ATRNL1: variants seen among roughly 807,000 people sequenced by gnomAD.
ATRNL1 encodes attractin like 1.
In ATRNL1, 95 loss-of-function variants were observed where a neutral mutation model predicts 182.7. That is an observed-to-expected ratio of 0.52 (90% CI 0.44 to 0.62). The LOEUF is 0.62. Among genes scored for constraint, ATRNL1 ranks in the 20% least tolerant of loss-of-function variants. ATRNL1 has a pLI of 0.00. For missense variants in ATRNL1, 1,471 were observed against 1,679.5 expected (o/e 0.88, Z 2.17); for synonymous variants, 576 against 568.3 (o/e 1.01, Z -0.19).
In ATRNL1 at chr10:115,462,479, G is replaced by A. The variant is rs575016792; in HGVS notation, c.3417+444G>A. ...ATACAAAAATTAGCTAGGCATGATG[G>A]TGCGCGCCTATAGTCCCAGCTACTG... On this transcript the variant is annotated intron_variant, in intron 22 of 28. Coordinates refer to ENST00000355044, the MANE Select transcript of ATRNL1 (RefSeq NM_207303.4). Among the ~76,000 whole-genome samples, 6 of 152,106 alleles carry A rather than the reference G, an allele frequency of 3.9e-5. No homozygotes were observed. In the East Asian group the frequency reaches 5.8e-4, roughly 15 times the overall value.
chr10:115,174,274 G>T (rs1554886321), intron 8 of ATRNL1, among the ~76,000 whole-genome samples: 2 of 151,356 alleles, frequency 1.3e-5, no homozygotes, highest in African/African-American at 4.9e-5. Context: ...CTTTCCCCAT[G>T]TTTTCCTTTT....
intron 27 of ATRNL1, among the ~76,000 whole-genome samples, chr10:115,804,813 A>T (rs1949881889): frequency 6.6e-6 from 1 of 152,138 alleles, no homozygotes; most frequent in African/African-American, 2.4e-5. Context: ...CAGGGGAGTT[A>T]ATTGGAACTA....
At chr10:115,134,049 G>A (rs1336272767) in intron 5 of ATRNL1, among the ~76,000 whole-genome samples, 2 of 152,074 alleles carry the variant, frequency 1.3e-5, no homozygotes, top group Non-Finnish European at 2.9e-5. Flanking sequence ...TTGTGTAGAG[G>A]GAAATTTATA....
At chr10:115,619,912 G>A (rs549158118) in intron 26 of ATRNL1, among the ~76,000 whole-genome samples, 1 of 152,268 alleles carries the variant, frequency 6.6e-6, no homozygotes, top group South Asian at 2.1e-4. Flanking sequence ...TATCACCCAA[G>A]TATGAATCTT....
At chr10:115,105,580 G>A (rs1338938137) in intron 1 of ATRNL1, among the ~76,000 whole-genome samples, 1 of 152,224 alleles carries the variant, frequency 6.6e-6, no homozygotes, top group African/African-American at 2.4e-5. Flanking sequence ...GGAGGCATAG[G>A]AGGAAAAAAT....
intron 27 of ATRNL1, among the ~76,000 whole-genome samples, chr10:115,845,662 A>G (rs928716404): frequency 4.0e-5 from 6 of 151,116 alleles, no homozygotes; most frequent in Non-Finnish European, 5.9e-5. Flanking sequence ...ACTTTTTTGT[A>G]TAAACATACA....
At chr10:115,535,835 C>A (rs1592809151) in intron 25 of ATRNL1, among the ~76,000 whole-genome samples, 2 of 152,038 alleles carry the variant, frequency 1.3e-5, no homozygotes, top group Non-Finnish European at 2.9e-5. Flanking sequence ...CAGATAGGAC[C>A]GTCAGCTGCA....
intron 24 of ATRNL1, among the ~76,000 whole-genome samples, chr10:115,504,751 CCTTTT>C (rs1295260198): frequency 1.3e-4 from 20 of 151,946 alleles, no homozygotes; most frequent in Non-Finnish European, 1.8e-4. Flanking sequence ...ATTTGACTAG[CCTTTT>C]CTTTTTTCAT....
At chr10:115,915,544 A>G (rs1952824978) in intron 28 of ATRNL1, among the ~76,000 whole-genome samples, 1 of 152,214 alleles carries the variant, frequency 6.6e-6, no homozygotes, top group Admixed American at 6.5e-5. Flanking sequence ...GTATATATAA[A>G]TATATGTATT....
chr10:115,603,937 C>G (rs1555016783), intron 26 of ATRNL1, among the ~76,000 whole-genome samples: 1 of 151,946 alleles, frequency 6.6e-6, no homozygotes, highest in Admixed American at 6.6e-5. Flanking sequence ...CTAGGTGGAC[C>G]TCTTGGAGGC....
intron 10 of ATRNL1, among the ~76,000 whole-genome samples, chr10:115,248,302 C>T (rs1002026667): frequency 6.6e-6 from 1 of 151,896 alleles, no homozygotes; most frequent in Admixed American, 6.6e-5. Context: ...ACAATTATTT[C>T]TCAGTAAAAA....
In ATRNL1 at chr10:115,540,155, A is replaced by G. The variant is rs979263794; in HGVS notation, c.3717-9303A>G. Among the ~76,000 whole-genome samples the G allele has an allele frequency of 2.0e-5, 3 of 151,698 alleles. No individual in the cohort carries two copies. In the South Asian group the frequency reaches 6.3e-4, roughly 32 times the overall value. On this transcript the variant is annotated intron_variant, in intron 25 of 28. Coordinates refer to ENST00000355044, the MANE Select transcript of ATRNL1 (RefSeq NM_207303.4). The stretch of plus-strand genomic sequence containing the variant: ...ATAATAAATAAATAAATAAATAAAT[A>G]TATAGTGCTTTATAAACTTCTGGGA...
intron 8 of ATRNL1, among the ~76,000 whole-genome samples, chr10:115,206,495 T>A (rs1020935051): frequency 1.3e-5 from 2 of 152,142 alleles, no homozygotes; most frequent in South Asian, 2.1e-4. Context: ...CCTGATTTTT[T>A]AAATTGTTTC....
At chr10:115,334,877 C>T (rs952649467) in intron 19 of ATRNL1, among the ~76,000 whole-genome samples, 2 of 152,074 alleles carry the variant, frequency 1.3e-5, no homozygotes, top group Non-Finnish European at 2.9e-5. Context: ...CAAATCTGGG[C>T]TGAAATCCCA....
intron 8 of ATRNL1, among the ~76,000 whole-genome samples, chr10:115,206,326 G>A (rs11197117): frequency 5.3e-5 from 8 of 151,834 alleles, no homozygotes; most frequent in Non-Finnish European, 1.2e-4. Flanking sequence ...ATTTGCTCAG[G>A]TTCCTGAATC....
chr10:115,756,941 T>C (rs1273269213), intron 27 of ATRNL1, among the ~76,000 whole-genome samples: 4 of 152,200 alleles, frequency 2.6e-5, no homozygotes, highest in Non-Finnish European at 5.9e-5. Context: ...TTCATCTTTG[T>C]TGGTTTAACA....
intron 9 of ATRNL1, among the ~76,000 whole-genome samples, chr10:115,222,124 T>A (rs1849492043): frequency 6.6e-6 from 1 of 151,962 alleles, no homozygotes; most frequent in South Asian, 2.1e-4. Context: ...TACTCATACT[T>A]ATGAATCAAA....
intron 18 of ATRNL1, among the ~76,000 whole-genome samples, chr10:115,330,955 T>C (rs191138584): frequency 5.7e-4 from 87 of 152,322 alleles, no homozygotes; most frequent in African/African-American, 1.9e-3. Context: ...CCTCTGTGTT[T>C]TTCTCATTGC....
rs1318902592 is a variant in ATRNL1, at chr10:115,302,973, T to C, written c.2818+930T>C. On this transcript the variant is annotated intron_variant, in intron 17 of 28. Transcript: ENST00000355044. ...TCAAAAATATGCCTTTTCACCTGAA[T>C]TAATTGGTATGTTCAGATTTGGAAC... 2.2e-5 allele frequency among the ~76,000 whole-genome samples: 3 copies of C among 138,328 alleles called. No individual in the cohort carries two copies. In the East Asian group the frequency reaches 5.8e-4, roughly 27 times the overall value. 90.7% of individuals were successfully genotyped at this position (138,328 alleles called of 152,430 possible). A position where few individuals can be genotyped will look rare whatever the true frequency, so the allele number is the denominator to read the frequency against.
Sources: gnomAD v4.1 joint callset for allele counts (sites outside exome capture counted in the v4.1 genomes callset) on GRCh38, gnomAD v4.1.1 for gene constraint, MANE v1.5 for transcripts, NCBI Gene and HGNC (gene_info 2026-07-23, HGNC 2026-07-21) for gene names.